The following SYNE1 variants were observed in gnomAD, a reference collection of about 807,000 sequenced individuals.
SYNE1 encodes nesprin-1.
A neutral mutation model predicts 1,111.0 loss-of-function variants in SYNE1; 616 were observed. The observed-to-expected ratio is 0.55, with a 90% CI of 0.52 to 0.59. SYNE1 has a LOEUF of 0.59. Among genes scored for constraint, SYNE1 ranks in the 20% least tolerant of loss-of-function variants. SYNE1 has a pLI of 0.00. For synonymous variants in SYNE1, 3,855 were observed against 3,825.8 expected (o/e 1.01, Z -0.28); for missense variants, 10,006 against 10,417.0 (o/e 0.96, Z 1.72).
rs1192374429 is a variant in SYNE1, at chr6:152,208,170, A to G, written c.22626T>C (p.Asn7542=). ...CCCTGCGAATCACTCCCTGCCATTGATTACTGAGGAGTGTCAATTTCAGGT... is the reference window on the plus strand; with the variant it reads ...CCCTGCGAATCACTCCCTGCCATTGGTTACTGAGGAGTGTCAATTTCAGGT... ...EFNLKLTLLS[N]QWQGVIRRAQ... The change falls in exon 125 of 146, where the codon AAT becomes AAC. Residue 7542 remains asparagine (N), a synonymous_variant. Coordinates refer to ENST00000367255, the MANE Select transcript of SYNE1 (RefSeq NM_182961.4). The G allele has an allele frequency of 6.2e-7, 1 of 1,614,062 alleles. No homozygotes were observed. Among genetic ancestry groups the G allele is most frequent in the Admixed American group, 1.7e-5 (1 of 60,004 alleles).
intron 3 of SYNE1, among the ~76,000 whole-genome samples, chr6:152,579,647 G>GT (rs1429321885): frequency 6.6e-6 from 1 of 152,124 alleles, no homozygotes; most frequent in East Asian, 1.9e-4. Flanking sequence ...TCAATAGGTA[G>GT]TTTTTCAATC....
chr6:152,351,765 T>C (rs766445092), intron 70 of SYNE1, among the ~76,000 whole-genome samples: 4 of 152,220 alleles, frequency 2.6e-5, no homozygotes, highest in African/African-American at 4.8e-5. Flanking sequence ...AAGGTCTTCA[T>C]TGATTGACAG....
intron 3 of SYNE1, among the ~76,000 whole-genome samples, chr6:152,619,046 T>TCACACACA (rs56677340): frequency 0.056 from 7,659 of 135,758 alleles, 268 homozygotes; most frequent in Middle Eastern, 0.12. Context: ...GGTGTGAGAA[T>TCACACACA]CACACACACA....
At chr6:152,281,660 T>C (rs1328874291) in intron 97 of SYNE1, 147 bp downstream of exon 97, 1 of 866,248 alleles carries the variant, frequency 1.2e-6, no homozygotes, top group Non-Finnish European at 1.8e-6. Context: ...TTTTATAATG[T>C]ATTACTTTTC....
chr6:152,424,700 A>G (rs1439915931), intron 39 of SYNE1, among the ~76,000 whole-genome samples: 1 of 152,260 alleles, frequency 6.6e-6, no homozygotes, highest in African/African-American at 2.4e-5. Context: ...AAGCTCCATG[A>G]AAGCAAAGGA....
chr6:152,352,101 G>A lies in SYNE1; in HGVS notation c.11506C>T (p.Gln3836Ter). 6.2e-7 allele frequency: 1 copy of A among 1,614,124 alleles called. No individual in the cohort carries two copies. Among genetic ancestry groups the A allele is most frequent in the Non-Finnish European group, 8.5e-7 (1 of 1,180,024 alleles). The change falls in exon 70 of 146, where the codon CAG (glutamine) becomes TAG (stop). Residue 3836 changes from glutamine (Q) to a stop codon, truncating the protein, a stop_gained. Transcript: ENST00000367255. LOFTEE classifies it high-confidence loss of function. ...TCTTCAGGAACATGTAGAATTTCCT[G>A]GTATTCTGCTATCCACTGTGTCAGT... ...KALTQWIAEY[Q>*]EILHVPEEPK...
chr6:152,475,424 C>A (rs1458401874), intron 14 of SYNE1, among the ~76,000 whole-genome samples: 7 of 152,054 alleles, frequency 4.6e-5, no homozygotes, highest in African/African-American at 1.2e-4. Context: ...TAACATAAAG[C>A]CAAATTTTAT....
chr6:152,478,067 G>C (rs1292681419), intron 14 of SYNE1, among the ~76,000 whole-genome samples: 1 of 152,152 alleles, frequency 6.6e-6, no homozygotes. Context: ...ATGCCTTAAA[G>C]AAAGTCTTTC....
At chr6:152,244,407 G>T (rs2086562151) in intron 106 of SYNE1, 130 bp downstream of exon 106, 1 of 1,391,002 alleles carries the variant, frequency 7.2e-7, no homozygotes, top group Middle Eastern at 1.8e-4. Flanking sequence ...TCTAAGAGTT[G>T]CTTGGTAGAA....
chr6:152,289,682 G>A (rs372312653), intron 95 of SYNE1, among the ~76,000 whole-genome samples: 80 of 151,976 alleles, frequency 5.3e-4, no homozygotes, highest in African/African-American at 6.0e-4. Context: ...GCTGGAGTGC[G>A]GTGGCGCAAT....
intron 101 of SYNE1, among the ~76,000 whole-genome samples, chr6:152,259,928 T>A (rs1411449207): frequency 1.3e-5 from 2 of 152,102 alleles, no homozygotes; most frequent in Non-Finnish European, 2.9e-5. Context: ...AGGCACAACA[T>A]GAACCTAAAT....
chr6:152,274,764 T>C (rs1204159395), intron 98 of SYNE1, among the ~76,000 whole-genome samples: 1 of 152,010 alleles, frequency 6.6e-6, no homozygotes, highest in African/African-American at 2.4e-5. Context: ...ACCTGGCTAA[T>C]TTTGTATTTT....
chr6:152,233,652 G>T, intron 112 of SYNE1, 129 bp downstream of exon 112: 1 of 1,147,278 alleles, frequency 8.7e-7, no homozygotes, highest in South Asian at 1.3e-5. Flanking sequence ...TTAATACAAC[G>T]GGAGAGAGAA....
At chr6:152,365,118 T>TTG in intron 62 of SYNE1, 99 bp from the exon 63 acceptor site, 1 of 1,486,460 alleles carries the variant, frequency 6.7e-7, no homozygotes, top group Non-Finnish European at 9.3e-7. Context: ...TAATATGCAA[T>TTG]TGTGCCCAGC....
At chr6:152,166,727 G>A (rs186281497) in intron 130 of SYNE1, among the ~76,000 whole-genome samples, 4 of 152,316 alleles carry the variant, frequency 2.6e-5, no homozygotes, top group Admixed American at 2.6e-4. Flanking sequence ...GTCGACGGGG[G>A]TGAACATTTA....
chr6:152,256,436 A>G (rs1405066514), intron 102 of SYNE1, among the ~76,000 whole-genome samples, 198 bp downstream of exon 102: 1 of 106,382 alleles, frequency 9.4e-6, no homozygotes, highest in Admixed American at 1.1e-4. Flanking sequence ...TCTAAAAAAT[A>G]AATAAATAAA....
rs1271156801 is a variant in SYNE1 at position 152,326,493 on chromosome 6, G to C, written c.15096C>G (p.Leu5032=). The part of the protein sequence containing the change: ...GLDVESAEEN[L]KSHMEFFSTE... ...TACTGAAAAATTCCATGTGGCTTTT[G>C]AGATTTTCCTCTGCGCTCTCCACGT... The change falls in exon 79 of 146, where the codon CTC becomes CTG. Residue 5032 remains leucine, a synonymous_variant. Coordinates refer to ENST00000367255, the MANE Select transcript of SYNE1 (RefSeq NM_182961.4). 1.2e-6 allele frequency: 2 copies of C among 1,614,170 alleles called. No homozygotes were observed. Among genetic ancestry groups the C allele is most frequent in the Non-Finnish European group, 8.5e-7 (1 of 1,180,040 alleles).
intron 22 of SYNE1, among the ~76,000 whole-genome samples, chr6:152,457,045 C>T: frequency 6.6e-6 from 1 of 151,952 alleles, no homozygotes; most frequent in East Asian, 1.9e-4. Context: ...ATAATGACAA[C>T]TTGTACAAAT....
intron 95 of SYNE1, among the ~76,000 whole-genome samples, chr6:152,292,622 C>T (rs2094660674): frequency 6.6e-6 from 1 of 152,198 alleles, no homozygotes; most frequent in East Asian, 1.9e-4. Flanking sequence ...GGTTATCCTG[C>T]TTCCAAAACT....
Sources: allele counts gnomAD v4.1 joint callset (sites outside exome capture counted in the v4.1 genomes callset), GRCh38; gene constraint gnomAD v4.1.1; transcripts MANE v1.5; gene names NCBI Gene and HGNC (gene_info 2026-07-23, HGNC 2026-07-21).